The following CEND1 variants were observed in gnomAD, a reference collection of about 807,000 sequenced individuals.
The protein encoded by CEND1 is cell cycle exit and neuronal differentiation 1.
A neutral mutation model predicts 4.4 loss-of-function variants in CEND1; 1 was observed. That is an observed-to-expected ratio of 0.23 (90% CI 0.08 to 1.09). The LOEUF (loss-of-function observed/expected upper bound fraction) is 1.09. CEND1 is among the 50% of genes least tolerant of loss of function. The pLI is 0.55. For synonymous variants in CEND1, 109 were observed against 93.0 expected (o/e 1.17, Z -0.99); for missense variants, 213 against 201.2 (o/e 1.06, Z -0.35).
rs141077794 is a variant in CEND1 at position 788,331 on chromosome 11, G to A, written c.246C>T (p.Pro82=). The A allele has an allele frequency of 2.5e-5, 40 of 1,606,198 alleles. No individual in the cohort carries two copies. In the African/African-American group the frequency reaches 5.3e-4, roughly 21 times the overall value. ...LNNHSNLKPA[P]TVPSSPDATP... The stretch of plus-strand genomic sequence containing the variant: ...TTGCATCGGGACTGCTGGGGACCGT[G>A]GGGGCTGGCTTCAGGTTGCTGTGGT... Residue 82 remains proline, a synonymous_variant, in exon 2 of 2, where the codon CCC becomes CCT. Coordinates refer to ENST00000330106, the MANE Select transcript of CEND1 (RefSeq NM_016564.4).
In CEND1 at chr11:788,417, C is replaced by T; in HGVS notation, c.160G>A (p.Ala54Thr). 1 of 1,583,906 alleles carries T rather than the reference C, an allele frequency of 6.3e-7. No individual in the cohort carries two copies. The part of the protein sequence containing the change: ...APAEKQQPPA[A>T]PTTAPAKKTS... ...TTCTTGGCAGGTGCCGTGGTGGGGG[C>T]TGCTGGCGGCTGCTGCTTCTCGGCC... The change falls in exon 2 of 2, where the codon GCC (alanine) becomes ACC (threonine). Residue 54 changes from alanine to threonine, a missense_variant. Transcript: ENST00000330106.
intron 1 of CEND1, among the ~76,000 whole-genome samples, chr11:789,388 G>C (rs1217429772): frequency 6.6e-6 from 1 of 152,246 alleles, no homozygotes; most frequent in East Asian, 1.9e-4. Context: ...TGCTGTCTCT[G>C]TGGGCAGAGG....
Position 788,329 on chromosome 11 carries a change from G to C in CEND1, c.248C>G (p.Thr83Arg), listed in dbSNP as rs151228190. 1.9e-6 allele frequency: 3 copies of C among 1,605,938 alleles called. No homozygotes were observed. Among genetic ancestry groups the C allele is most frequent in the Non-Finnish European group, 2.6e-6 (3 of 1,174,292 alleles). ...NNHSNLKPAP[T>R]VPSSPDATPE... ...GGTTGCATCGGGACTGCTGGGGACC[G>C]TGGGGGCTGGCTTCAGGTTGCTGTG... Residue 83 changes from threonine (T) to arginine (R), a missense_variant, in exon 2 of 2, where the codon ACG (threonine) becomes AGG (arginine). By Grantham distance (71) the Thr-to-Arg change is moderately conservative. Transcript: ENST00000330106.
Position 788,097 on chromosome 11 carries a change from G to C in CEND1, c.*30C>G, listed in dbSNP as rs763475236. ...CTTCCTCGGGTCTGTACAGGAAGTG[G>C]CTCCGTGCCCCCCGCCTGGCCCCCA... On this transcript the variant is annotated 3_prime_UTR_variant, in exon 2 of 2. Transcript: ENST00000330106. The C allele has an allele frequency of 2.7e-6, 4 of 1,482,126 alleles. No individual in the cohort carries two copies. The Admixed American group carries it at 9.5e-5, about 35-fold the overall frequency. The allele number at this position is 1,482,126 out of a possible 1,614,324, so 91.8% of individuals were successfully genotyped here.
Position 788,112 on chromosome 11 carries a change from C to G in CEND1, c.*15G>C. The stretch of plus-strand genomic sequence containing the variant: ...ACAGGAAGTGGCTCCGTGCCCCCCG[C>G]CTGGCCCCCAGGTATTATTTTTTCC... On this transcript the variant is annotated 3_prime_UTR_variant, in exon 2 of 2. Coordinates refer to ENST00000330106, the MANE Select transcript of CEND1 (RefSeq NM_016564.4). 6.6e-7 allele frequency: 1 copy of G among 1,516,734 alleles called. No individual in the cohort carries two copies. The highest frequency in any genetic ancestry group is 1.4e-5 in the African/African-American group (1 of 72,172). The allele number at this position is 1,516,734 out of a possible 1,614,324, so 94.0% of individuals were successfully genotyped here.
Position 788,081 on chromosome 11 carries a change from G to A in CEND1, c.*46C>T. 7.1e-7 allele frequency: 1 copy of A among 1,413,140 alleles called. No individual in the cohort carries two copies. Among genetic ancestry groups the A allele is most frequent in the Non-Finnish European group, 9.4e-7 (1 of 1,068,820 alleles). The allele number at this position is 1,413,140 out of a possible 1,614,324, so 87.5% of individuals were successfully genotyped here. A position where few individuals can be genotyped will look rare whatever the true frequency, so the allele number is the denominator to read the frequency against. On this transcript the variant is annotated 3_prime_UTR_variant, in exon 2 of 2. Coordinates refer to ENST00000330106, the MANE Select transcript of CEND1 (RefSeq NM_016564.4). ...ACTCTGCATGCACTGGCTTCCTCGG[G>A]TCTGTACAGGAAGTGGCTCCGTGCC... is the stretch of plus-strand genomic sequence containing the variant.
rs115280692 is a variant in CEND1 at position 788,689 on chromosome 11, G to A, written c.-82-31C>T. ...GGGAGACACAAGGGAGGCTGCGCGC[G>A]GGTCCAGTCCCCCCTGTGCTGCCCC... is the stretch of plus-strand genomic sequence containing the variant. On this transcript the variant is annotated intron_variant, in intron 1 of 1. Coordinates refer to ENST00000330106, the MANE Select transcript of CEND1 (RefSeq NM_016564.4). 1,180 of 1,066,202 alleles carry A rather than the reference G, an allele frequency of 1.1e-3. 4 individuals are homozygous for A. The African/African-American group carries it at 0.011, about 10-fold the overall frequency. The allele number at this position is 1,066,202 out of a possible 1,614,324, so 66.0% of individuals were successfully genotyped here.
chr11:789,656 A>AC (rs1864417416), intron 1 of CEND1, among the ~76,000 whole-genome samples: 1 of 150,016 alleles, frequency 6.7e-6, no homozygotes, highest in Non-Finnish European at 1.5e-5. Context: ...CACGTTCCCC[A>AC]CCCCCCGCCA....
rs7946354 is a variant in CEND1 at position 787,679 on chromosome 11, G to T, written c.*448C>A. 83,394 of 152,982 alleles carry T rather than the reference G, an allele frequency of 0.55. 22,985 individuals carry two copies. Among genetic ancestry groups the T allele is most frequent in the Admixed American group, 0.6 (9,184 of 15,312 alleles). 9.5% of individuals were successfully genotyped at this position (152,982 alleles called of 1,614,324 possible). A position where few individuals can be genotyped will look rare whatever the true frequency, so the allele number is the denominator to read the frequency against. On this transcript the variant is annotated 3_prime_UTR_variant, in exon 2 of 2. Transcript: ENST00000330106. ...TGCATTCGCCCAGGCAGACCCCCGG[G>T]GGGTACGCAAAGAGCAGAAATGGGG...
chr11:788,699 C>A (rs1267172902), intron 1 of CEND1, 41 bp from the exon 2 acceptor site: 2 of 932,892 alleles, frequency 2.1e-6, no homozygotes, highest in African/African-American at 1.6e-5. Flanking sequence ...GGGTCCAGTC[C>A]CCCCTGTGCT....
chr11:789,605 A>C (rs765989881), intron 1 of CEND1, among the ~76,000 whole-genome samples: 2 of 152,040 alleles, frequency 1.3e-5, no homozygotes, highest in Non-Finnish European at 2.9e-5. Context: ...TCTCCCAGGG[A>C]AGGATGAGAA....
Position 788,166 on chromosome 11 carries a change from G to C in CEND1, c.411C>G (p.Ala137=). Residue 137 remains alanine, a synonymous_variant, in exon 2 of 2, where the codon GCC becomes GCG. Coordinates refer to ENST00000330106, the MANE Select transcript of CEND1 (RefSeq NM_016564.4). ...CCAGGAAGGCCACACCGAGAATCAG[G>C]GCTATGGCTGCCACGGCCACACCCC... ...VAGGVAVAAI[A]LILGVAFLVR... is the part of the protein sequence containing the mutation. 1 of 1,598,876 alleles carries C rather than the reference G, an allele frequency of 6.3e-7. No individual in the cohort carries two copies. Among genetic ancestry groups the C allele is most frequent in the East Asian group, 2.2e-5 (1 of 44,730 alleles).
intron 1 of CEND1, among the ~76,000 whole-genome samples, chr11:789,324 G>C (rs897732550): frequency 4.6e-5 from 7 of 152,174 alleles, no homozygotes; most frequent in Non-Finnish European, 7.4e-5. Context: ...CCTCAGCATG[G>C]GCCGTGCCTG....
At chr11:789,623 C>T (rs899251648) in intron 1 of CEND1, among the ~76,000 whole-genome samples, 1 of 152,140 alleles carries the variant, frequency 6.6e-6, no homozygotes, top group Non-Finnish European at 1.5e-5. Flanking sequence ...GAAATGCCCT[C>T]CAGACCTGCA....
Position 788,109 on chromosome 11 carries a change from C to A in CEND1, c.*18G>T. On this transcript the variant is annotated 3_prime_UTR_variant, in exon 2 of 2. Coordinates refer to ENST00000330106, the MANE Select transcript of CEND1 (RefSeq NM_016564.4). ...TGTACAGGAAGTGGCTCCGTGCCCC[C>A]CGCCTGGCCCCCAGGTATTATTTTT... 6.6e-7 allele frequency: 1 copy of A among 1,508,436 alleles called. No homozygotes were observed. Among genetic ancestry groups the A allele is most frequent in the East Asian group, 2.3e-5 (1 of 43,038 alleles). The allele number at this position is 1,508,436 out of a possible 1,614,324, so 93.4% of individuals were successfully genotyped here. A position where few individuals can be genotyped will look rare whatever the true frequency, so the allele number is the denominator to read the frequency against.
chr11:789,518 G>C (rs1208517421), intron 1 of CEND1, among the ~76,000 whole-genome samples: 11 of 152,190 alleles, frequency 7.2e-5, no homozygotes, highest in Non-Finnish European at 1.5e-5. Flanking sequence ...AGGCAGAGGT[G>C]GGAAGGGCCC....
At chr11:788,703 C>A in intron 1 of CEND1, 45 bp from the exon 2 acceptor site, 1 of 860,832 alleles carries the variant, frequency 1.2e-6, no homozygotes, top group South Asian at 3.1e-5. Context: ...CCAGTCCCCC[C>A]TGTGCTGCCC....
Position 788,290 on chromosome 11 carries a change from C to G in CEND1, c.287G>C (p.Gly96Ala). 1 of 1,612,756 alleles carries G rather than the reference C, an allele frequency of 6.2e-7. No homozygotes were observed. Among genetic ancestry groups the G allele is most frequent in the Non-Finnish European group, 8.5e-7 (1 of 1,179,348 alleles). ...ATCTTCCTCCGCCCCGTCCCCAGGACCCTTGGGCTCCGGGGTTGCATCGGG... is the reference window on the plus strand; with the variant it reads ...ATCTTCCTCCGCCCCGTCCCCAGGAGCCTTGGGCTCCGGGGTTGCATCGGG... ...SSPDATPEPK[G>A]PGDGAEEDEA... The change falls in exon 2 of 2, where the codon GGT becomes GCT. Residue 96 changes from glycine to alanine, a missense_variant. Transcript: ENST00000330106.
At chr11:788,766 C>A in intron 1 of CEND1, 108 bp from the exon 2 acceptor site, 2 of 454,824 alleles carry the variant, frequency 4.4e-6, no homozygotes, top group Non-Finnish European at 7.4e-6. Context: ...CTCTCTGGAG[C>A]CCCAGCTCAG....
Sources: allele counts gnomAD v4.1 joint callset (sites outside exome capture counted in the v4.1 genomes callset), GRCh38; gene constraint gnomAD v4.1.1; transcripts MANE v1.5; gene names NCBI Gene and HGNC (gene_info 2026-07-23, HGNC 2026-07-21).